The following BCL9L variants were observed in gnomAD, a reference collection of about 807,000 sequenced individuals.
BCL9L encodes the protein B-cell CLL/lymphoma 9-like protein.
A neutral mutation model predicts 99.4 loss-of-function variants in BCL9L; 19 were observed. The observed-to-expected ratio is 0.19, with a 90% CI of 0.13 to 0.28. The LOEUF (loss-of-function observed/expected upper bound fraction) is 0.28, where lower values mean the gene tolerates loss of function less well. BCL9L is among the 10% of genes least tolerant of loss of function. BCL9L has a pLI of 1.00. For synonymous variants in BCL9L, 900 were observed against 854.8 expected, an observed-to-expected ratio of 1.05 and a Z score of -0.92; for missense variants, 2,023 against 2,101.6, an observed-to-expected ratio of 0.96 and a Z score of 0.73.
rs894743371 is a variant in BCL9L at position 118,903,322 on chromosome 11, G to T, written c.663C>A (p.Ala221=). 1.9e-6 allele frequency: 3 copies of T among 1,585,638 alleles called. No individual in the cohort carries two copies. The highest frequency in any genetic ancestry group is 2.6e-6 in the Non-Finnish European group (3 of 1,167,338). Residue 221 remains alanine (A), a synonymous_variant, in exon 6 of 10, where the codon GCC becomes GCA. Coordinates refer to ENST00000683865, the MANE Select transcript of BCL9L (RefSeq NM_001378213.1). This position sits in a 1 kb window ranked among gnomAD's most constrained non-coding sequence, Gnocchi z 5.6. The stretch of plus-strand genomic sequence containing the variant: ...CCCCGCCCCCGCCCCCGCCCCCAGG[G>T]GCATCAGGCCGAAGGCCAGGAGGAG... ...HGPPPGLRPD[A]PGGGGGGGGV...
intron 2 of BCL9L, chr11:118,910,845 C>G (rs1313619526): frequency 6.0e-6 from 1 of 166,818 alleles, no homozygotes; most frequent in Non-Finnish European, 1.3e-5. Flanking sequence ...CACAGACACC[C>G]GAACTCTGAC....
rs1473143612 is a variant in BCL9L, at chr11:118,914,021, T to C, written c.-76-4006A>G. Among the ~76,000 whole-genome samples the C allele has an allele frequency of 6.6e-6, 1 of 152,084 alleles. No homozygotes were observed. The highest frequency in any genetic ancestry group is 1.9e-4 in the East Asian group (1 of 5,184). ...CTCTGCCCGCCGCCCCACTGGTACT[T>C]CCTGTCCCCTGGCACCTGCACCAGG... On this transcript the variant is annotated intron_variant, in intron 2 of 9. Coordinates refer to ENST00000683865, the MANE Select transcript of BCL9L (RefSeq NM_001378213.1). The surrounding 1 kb of genome is among the most constrained non-coding windows in gnomAD (Gnocchi z 4.4).
Position 118,896,467 on chromosome 11 carries a change from T to G in BCL9L, c.*1948A>C, listed in dbSNP as rs1214845468. The G allele has an allele frequency of 6.6e-6, 1 of 151,696 alleles. No individual in the cohort carries two copies. The highest frequency in any genetic ancestry group is 1.5e-5 in the Non-Finnish European group (1 of 67,928). The allele number at this position is 151,696 out of a possible 1,614,324, so 9.4% of individuals were successfully genotyped here. On this transcript the variant is annotated 3_prime_UTR_variant, in exon 10 of 10. Coordinates refer to ENST00000683865, the MANE Select transcript of BCL9L (RefSeq NM_001378213.1). The stretch of plus-strand genomic sequence containing the variant: ...CACAGAGTCAGACAGTTTGGGGGGG[T>G]CTTGGGCCAGGGGTGGAGGGCTCAA...
At position 118,899,392 on chromosome 11, in the gene BCL9L, G is replaced by C; in HGVS notation, c.3523C>G (p.Leu1175Val). 6.3e-7 allele frequency: 1 copy of C among 1,584,690 alleles called. No homozygotes were observed. The highest frequency in any genetic ancestry group is 8.6e-7 in the Non-Finnish European group (1 of 1,166,406). ...GAGCCCAGAGGGGTGGGGGAGGGCA[G>C]CATGGCGGGCGGGGGCTCATGGGAC... Reference protein sequence around the residue: ...PLSHEPPPAMLPSPTPLGSNI... With the variant: ...PLSHEPPPAMVPSPTPLGSNI... Residue 1175 changes from leucine to valine, a missense_variant, in exon 10 of 10, where the codon CTG becomes GTG. Coordinates refer to ENST00000683865, the MANE Select transcript of BCL9L (RefSeq NM_001378213.1).
chr11:118,908,069 C>T (rs1316674907), intron 4 of BCL9L, among the ~76,000 whole-genome samples: 1 of 152,228 alleles, frequency 6.6e-6, no homozygotes, highest in African/African-American at 2.4e-5. Context: ...CTCTGTGTGG[C>T]CCCTCCATGG....
At chr11:118,907,443 C>T (rs756464240) in intron 5 of BCL9L, 40 bp downstream of exon 5, 2 of 1,613,854 alleles carry the variant, frequency 1.2e-6, no homozygotes, top group Non-Finnish European at 1.7e-6. Flanking sequence ...CCCCCAGGAA[C>T]ATCACGGGCT....
intron 1 of BCL9L, among the ~76,000 whole-genome samples, chr11:118,923,266 A>G (rs927309771): frequency 5.3e-5 from 8 of 152,174 alleles, no homozygotes; most frequent in African/African-American, 1.7e-4. Flanking sequence ...GGTGCCAGGC[A>G]TTCCAGCCCT....
rs1296830802 is a variant in BCL9L at position 118,911,267 on chromosome 11, C to G, written c.-76-1252G>C. On this transcript the variant is annotated intron_variant, in intron 2 of 9. Coordinates refer to ENST00000683865, the MANE Select transcript of BCL9L (RefSeq NM_001378213.1). ...GGAGTCTTGGGCCCAGGAGCTTCGT[C>G]CCGGTGACAGGCCCGGCCAGACACC... The G allele has an allele frequency of 6.6e-6, 3 of 455,620 alleles. No individual in the cohort carries two copies. The East Asian group carries it at 2.1e-4, about 32-fold the overall frequency. 28.2% of individuals were successfully genotyped at this position (455,620 alleles called of 1,614,324 possible). A position where few individuals can be genotyped will look rare whatever the true frequency, so the allele number is the denominator to read the frequency against.
At position 118,898,304 on chromosome 11, in the gene BCL9L, A is replaced by ACCC; in HGVS notation, c.*108_*110dup. On this transcript the variant is annotated 3_prime_UTR_variant, in exon 10 of 10. Transcript: ENST00000683865. ...CCACTCCCTACACAAGCCCCCTCCC[A>ACCC]CCCCCTCCACCCCACCCCGCGACCC... 1.0e-5 allele frequency: 2 copies of ACCC among 193,446 alleles called. No homozygotes were observed. Among genetic ancestry groups the ACCC allele is most frequent in the Non-Finnish European group, 9.2e-6 (1 of 108,396 alleles). 12.0% of individuals were successfully genotyped at this position (193,446 alleles called of 1,614,324 possible).
chr11:118,900,191 G>A lies in BCL9L; in HGVS notation c.3132C>T (p.Leu1044=). ...TTLSNMEQGT[L]PPSGPRSSSS... is the part of the protein sequence containing the mutation. ...AGCTGCTCCGGGGGCCGCTAGGCGGGAGGGTACCTACAGAAACGGGGAGAC... is the reference window on the plus strand; with the variant it reads ...AGCTGCTCCGGGGGCCGCTAGGCGGAAGGGTACCTACAGAAACGGGGAGAC... The change falls in exon 9 of 10, where the codon CTC becomes CTT. Residue 1044 remains leucine, a synonymous_variant. Transcript: ENST00000683865. The surrounding 1 kb of genome is among the most constrained non-coding windows in gnomAD (Gnocchi z 5.3). The A allele has an allele frequency of 6.3e-7, 1 of 1,598,090 alleles. No individual in the cohort carries two copies. The highest frequency in any genetic ancestry group is 8.5e-7 in the Non-Finnish European group (1 of 1,169,798).
Position 118,902,639 on chromosome 11 carries a change from T to C in BCL9L, c.1104A>G (p.Gly368=). ...ATTANNPLPP[G]GDPSSAPGPA... ...GGCCGGGGGCACTGCTGGGGTCTCC[T>C]CCAGGAGGCAGAGGGTTGTTGGCGG... Residue 368 remains glycine, a synonymous_variant, in exon 8 of 10, where the codon GGA becomes GGG. Coordinates refer to ENST00000683865, the MANE Select transcript of BCL9L (RefSeq NM_001378213.1). The surrounding 1 kb of genome is among the most constrained non-coding windows in gnomAD (Gnocchi z 7.8). 6.3e-7 allele frequency: 1 copy of C among 1,599,432 alleles called. No individual in the cohort carries two copies. Among genetic ancestry groups the C allele is most frequent in the Non-Finnish European group, 8.5e-7 (1 of 1,179,694 alleles).
At chr11:118,918,512 G>A (rs7934204) in intron 2 of BCL9L, among the ~76,000 whole-genome samples, 2 of 151,954 alleles carry the variant, frequency 1.3e-5, no homozygotes, top group Non-Finnish European at 2.9e-5. Flanking sequence ...TGGGGCGGGT[G>A]GGGGGTGAGA....
At chr11:118,910,084 G>A in intron 2 of BCL9L, 69 bp from the exon 3 acceptor site, 1 of 1,133,682 alleles carries the variant, frequency 8.8e-7, no homozygotes, top group South Asian at 1.4e-5. Flanking sequence ...GAGGGGAGAA[G>A]GGAGGACCCA....
chr11:118,900,590 C>A lies in BCL9L; in HGVS notation c.3124+29G>T. 1 of 1,572,986 alleles carries A rather than the reference C, an allele frequency of 6.4e-7. No homozygotes were observed. The highest frequency in any genetic ancestry group is 1.2e-5 in the South Asian group (1 of 85,544). Reference sequence around the variant, plus strand: ...CACTGCTCAGCGCCTGCCTGCCTGCCTGCCTGCCTGCCTGCGCAATTGACT... The same window carrying A: ...CACTGCTCAGCGCCTGCCTGCCTGCATGCCTGCCTGCCTGCGCAATTGACT... On this transcript the variant is annotated intron_variant, in intron 8 of 9. Transcript: ENST00000683865. The surrounding 1 kb of genome is among the most constrained non-coding windows in gnomAD (Gnocchi z 5.3).
intron 5 of BCL9L, among the ~76,000 whole-genome samples, chr11:118,905,862 T>C (rs1024730774): frequency 1.3e-5 from 2 of 152,004 alleles, no homozygotes; most frequent in African/African-American, 4.8e-5. Flanking sequence ...CTAAGGGTAG[T>C]ACGACTAAAA....
intron 3 of BCL9L, among the ~76,000 whole-genome samples, chr11:118,909,186 C>T (rs1027048134): frequency 6.6e-6 from 1 of 152,176 alleles, no homozygotes; most frequent in African/African-American, 2.4e-5. Flanking sequence ...CCCACTGGTC[C>T]AGACAGCTGG....
chr11:118,919,169 G>C (rs11217089), intron 1 of BCL9L, among the ~76,000 whole-genome samples: 23,300 of 137,926 alleles, frequency 0.17, 3,219 homozygotes, highest in African/African-American at 0.35. Flanking sequence ...CTGGAAGCAG[G>C]AGAGGAGGAG....
At position 118,925,438 on chromosome 11, in the gene BCL9L, C is replaced by T. The variant is rs1411971754; in HGVS notation, c.-331G>A. Reference sequence around the variant, plus strand: ...AGGCTATCCGGGGATCGCTGGGTGCCTGGGTTCCTGCCTCCCAACCGCGGA... The same window carrying T: ...AGGCTATCCGGGGATCGCTGGGTGCTTGGGTTCCTGCCTCCCAACCGCGGA... On this transcript the variant is annotated 5_prime_UTR_variant, in exon 1 of 10. Transcript: ENST00000683865. The surrounding 1 kb of genome is among the most constrained non-coding windows in gnomAD (Gnocchi z 6.4). 6.6e-6 allele frequency: 1 copy of T among 152,174 alleles called. No individual in the cohort carries two copies. The highest frequency in any genetic ancestry group is 1.5e-5 in the Non-Finnish European group (1 of 68,064). The allele number at this position is 152,174 out of a possible 1,614,324, so 9.4% of individuals were successfully genotyped here. A position where few individuals can be genotyped will look rare whatever the true frequency, so the allele number is the denominator to read the frequency against.
Position 118,908,261 on chromosome 11 carries a change from A to G in BCL9L, c.412+9T>C. ...ATGCTAGGGTCTTAGGGATGAGGAA[A>G]TGGGGTACCTTTGGCCTCTGAATCC... On this transcript the variant is annotated intron_variant, in intron 4 of 9. Transcript: ENST00000683865. 1 of 1,536,564 alleles carries G rather than the reference A, an allele frequency of 6.5e-7. No homozygotes were observed. Among genetic ancestry groups the G allele is most frequent in the Non-Finnish European group, 8.8e-7 (1 of 1,142,186 alleles).
Sources: gnomAD v4.1 joint callset for allele counts (sites outside exome capture counted in the v4.1 genomes callset) on GRCh38, gnomAD v4.1.1 for gene constraint, Gnocchi (gnomAD v3.1) non-coding constraint, MANE v1.5 for transcripts, NCBI Gene and HGNC (gene_info 2026-07-23, HGNC 2026-07-21) for gene names.